HSP90AA1: variants seen among roughly 807,000 people sequenced by gnomAD.
HSP90AA1 encodes heat shock protein 90 alpha family class A member 1.
HSP90AA1 carries 18 observed loss-of-function variants against 73.3 expected under a neutral mutation model. The observed-to-expected ratio is 0.25, with a 90% CI of 0.17 to 0.36. HSP90AA1 has a LOEUF of 0.36. HSP90AA1 is among the 10% of genes least tolerant of loss of function. The pLI, the probability that HSP90AA1 is intolerant of heterozygous loss-of-function variation, is 1.00. For missense variants in HSP90AA1, 704 were observed against 874.2 expected (o/e 0.81, Z 2.45); for synonymous variants, 477 against 296.9 (o/e 1.61, Z -6.24).
At chr14:102,113,791 A>G (rs1022534540) in intron 1 of HSP90AA1, among the ~76,000 whole-genome samples, 1 of 152,042 alleles carries the variant, frequency 6.6e-6, no homozygotes, top group Non-Finnish European at 1.5e-5. Flanking sequence ...ACTCACTGCA[A>G]GCTCTGGCTC....
chr14:102,083,853 T>G lies in HSP90AA1; in HGVS notation c.1278A>C (p.Glu426Asp). 6.2e-7 allele frequency: 1 copy of G among 1,614,076 alleles called. No homozygotes were observed. Among genetic ancestry groups the G allele is most frequent in the South Asian group, 1.1e-5 (1 of 91,056 alleles). ...LVKKCLELFT[E>D]LAEDKENYKK... is the part of the protein sequence containing the mutation. ...TGTAGTTCTCTTTATCTTCCGCCAG[T>G]TCAGTAAAGAGTTCTAAGCATTTTT... The change falls in exon 7 of 11, where the codon GAA becomes GAC. Residue 426 changes from glutamate to aspartate, a missense_variant. Transcript: ENST00000216281.
chr14:102,126,556 C>G (rs924244766), intron 1 of HSP90AA1, among the ~76,000 whole-genome samples: 1 of 151,778 alleles, frequency 6.6e-6, no homozygotes, highest in African/African-American at 2.4e-5. Context: ...GACGGAGTCT[C>G]GCTCTGTTCC....
intron 1 of HSP90AA1, among the ~76,000 whole-genome samples, chr14:102,136,813 G>A (rs1054950346): frequency 7.9e-5 from 12 of 151,564 alleles, no homozygotes; most frequent in Non-Finnish European, 1.5e-4. Flanking sequence ...GTTTGAATCC[G>A]GGAGGCAGAG....
At position 102,082,094 on chromosome 14, in the gene HSP90AA1, C is replaced by T; in HGVS notation, c.2089+17G>A. 1 of 1,517,354 alleles carries T rather than the reference C, an allele frequency of 6.6e-7. No individual in the cohort carries two copies. Among genetic ancestry groups the T allele is most frequent in the Admixed American group, 1.7e-5 (1 of 59,548 alleles). The allele number at this position is 1,517,354 out of a possible 1,614,324, so 94.0% of individuals were successfully genotyped here. A position where few individuals can be genotyped will look rare whatever the true frequency, so the allele number is the denominator to read the frequency against. ...TGTGTTTATTTTCTTTTTAACATTA[C>T]ATAGTATAAGGCTTACCCAGACCAA... On this transcript the variant is annotated intron_variant, in intron 10 of 10. Coordinates refer to ENST00000216281, the MANE Select transcript of HSP90AA1 (RefSeq NM_005348.4).
chr14:102,082,524 C>T (rs539739756), intron 9 of HSP90AA1, 80 bp from the exon 10 acceptor site: 1 of 1,109,946 alleles, frequency 9.0e-7, no homozygotes, highest in African/African-American at 1.5e-5. Flanking sequence ...CTGTAGAACC[C>T]AAATTTCAAT....
chr14:102,116,584 C>T (rs537351170), intron 1 of HSP90AA1, among the ~76,000 whole-genome samples: 3 of 152,198 alleles, frequency 2.0e-5, no homozygotes, highest in Non-Finnish European at 4.4e-5. Flanking sequence ...GGCCTGGAGC[C>T]TCTGCTGCTC....
In HSP90AA1 at chr14:102,082,145, A is replaced by T. The variant is rs2049114205; in HGVS notation, c.2055T>A (p.Ala685=). Residue 685 remains alanine, a synonymous_variant, in exon 10 of 11, where the codon GCT becomes GCA. Transcript: ENST00000216281. The part of the protein sequence containing the change: ...GFSLEDPQTH[A]NRIYRMIKLG... ...GTTTGATCATCCTGTAGATCCTGTT[A>T]GCATGTGTCTGGGGATCTTCCAGAC... 1 of 1,613,666 alleles carries T rather than the reference A, an allele frequency of 6.2e-7. No homozygotes were observed. Among genetic ancestry groups the T allele is most frequent in the South Asian group, 1.1e-5 (1 of 91,070 alleles).
chr14:102,138,010 T>TAAAAAA (rs748502102), intron 1 of HSP90AA1, among the ~76,000 whole-genome samples: 1 of 137,254 alleles, frequency 7.3e-6, no homozygotes. Context: ...AGACTCCATC[T>TAAAAAA]AAGAAAAAAA....
intron 6 of HSP90AA1, 53 bp from the exon 7 acceptor site, chr14:102,084,036 A>C: frequency 7.8e-7 from 1 of 1,289,832 alleles, no homozygotes. Context: ...CAAAACTGGT[A>C]CTATGTAAAC....
At chr14:102,134,742 A>T (rs2049960198) in intron 1 of HSP90AA1, among the ~76,000 whole-genome samples, 1 of 152,200 alleles carries the variant, frequency 6.6e-6, no homozygotes, top group Admixed American at 6.5e-5. Flanking sequence ...AGCTCATAAA[A>T]GCAGTGTGGA....
Position 102,083,031 on chromosome 14 carries a change from T to C in HSP90AA1, c.1755+3A>G, listed in dbSNP as rs2049135909. The C allele has an allele frequency of 1.2e-6, 2 of 1,613,678 alleles. No individual in the cohort carries two copies. The highest frequency in any genetic ancestry group is 2.2e-5 in the East Asian group (1 of 44,882). Reference sequence around the variant, plus strand: ...ATGATCAGGAAATGCTGTATTCACATACCTTTTCAACTTTTTTCTCCAATA... The same window carrying C: ...ATGATCAGGAAATGCTGTATTCACACACCTTTTCAACTTTTTTCTCCAATA... On this transcript the variant is annotated splice_donor_region_variant and intron_variant, in intron 9 of 10. Coordinates refer to ENST00000216281, the MANE Select transcript of HSP90AA1 (RefSeq NM_005348.4).
rs150213305 is a variant in HSP90AA1, at chr14:102,122,343, T to C, written c.155+16907A>G. ...TCGCCCAGGCTGGAGTGCAGTGGTGTGATCTTGGCTCAGTGCAAGCTCCAC... is the reference window on the plus strand; with the variant it reads ...TCGCCCAGGCTGGAGTGCAGTGGTGCGATCTTGGCTCAGTGCAAGCTCCAC... On this transcript the variant is annotated intron_variant, in intron 1 of 11. Transcript: ENST00000334701. 3.9e-3 allele frequency among the ~76,000 whole-genome samples: 582 copies of C among 150,308 alleles called. 9 individuals are homozygous for C. In the East Asian group the frequency reaches 0.049, roughly 13 times the overall value.
At chr14:102,082,934 T>G in intron 9 of HSP90AA1, 100 bp downstream of exon 9, 1 of 1,265,260 alleles carries the variant, frequency 7.9e-7, no homozygotes, top group Non-Finnish European at 1.2e-6. Flanking sequence ...CAACATAGTT[T>G]TCTGTTTTAA....
chr14:102,085,166 CAG>C (rs920408188), intron 4 of HSP90AA1, 130 bp downstream of exon 4: 33 of 1,437,310 alleles, frequency 2.3e-5, no homozygotes, highest in African/African-American at 1.5e-4. Flanking sequence ...GGAACTTTTA[CAG>C]AGTTAGGTAG....
At chr14:102,083,326 T>TA (rs1566718489) in intron 8 of HSP90AA1, 24 bp from the exon 9 acceptor site, 2 of 1,613,546 alleles carry the variant, frequency 1.2e-6, no homozygotes, top group Admixed American at 1.7e-5. Context: ...AAGTTACTTT[T>TA]AGACCTTTTA....
At chr14:102,086,937 A>T (rs1405439064) in intron 1 of HSP90AA1, 49 bp downstream of exon 1, 1 of 918,554 alleles carries the variant, frequency 1.1e-6, no homozygotes, top group African/African-American at 1.9e-5. Context: ...AGCCGCCCCC[A>T]GTCCCGGTCC....
chr14:102,098,867 A>ACC, intron 2 of HSP90AA1, among the ~76,000 whole-genome samples: 2 of 152,188 alleles, frequency 1.3e-5, no homozygotes, highest in Non-Finnish European at 2.9e-5. Flanking sequence ...AGGAGTAGGG[A>ACC]TGGGACAGTT....
chr14:102,081,882 T>C (rs1595653612), intron 10 of HSP90AA1, 61 bp from the exon 11 acceptor site: 3 of 863,236 alleles, frequency 3.5e-6, no homozygotes, highest in Non-Finnish European at 6.1e-6. Flanking sequence ...ATTAGGGTAA[T>C]ACTCTTGGTT....
Position 102,084,672 on chromosome 14 carries a change from G to GTCAC in HSP90AA1, c.981+5_981+8dup, listed in dbSNP as rs1434902198. 6.2e-7 allele frequency: 1 copy of GTCAC among 1,613,758 alleles called. No individual in the cohort carries two copies. The highest frequency in any genetic ancestry group is 1.3e-5 in the African/African-American group (1 of 74,892). On this transcript the variant is annotated intron_variant, in intron 5 of 10. Transcript: ENST00000216281. ...AAGGACAAGCTTGAAGCACCCATCAGTCACTCACCTTCACTGCCAAGTGAT... is the reference window on the plus strand; with the variant it reads ...AAGGACAAGCTTGAAGCACCCATCAGTCACTCACTCACCTTCACTGCCAAGTGAT...
Sources: gnomAD v4.1 joint callset for allele counts (sites outside exome capture counted in the v4.1 genomes callset) on GRCh38, gnomAD v4.1.1 for gene constraint, MANE v1.5 for transcripts, NCBI Gene and HGNC (gene_info 2026-07-23, HGNC 2026-07-21) for gene names.